The following DBNL variants were observed in gnomAD, a reference collection of about 807,000 sequenced individuals.
The protein encoded by DBNL is drebrin like, also known as drebrin-like protein.
A neutral mutation model predicts 62.2 loss-of-function variants in DBNL; 35 were observed. The observed-to-expected ratio is 0.56, with a 90% CI of 0.43 to 0.75. The LOEUF is 0.75. Ranked by LOEUF, DBNL falls within the 30% of genes least tolerant of loss-of-function variation. The pLI is 0.00. For synonymous variants in DBNL, 197 were observed against 218.0 expected, an observed-to-expected ratio of 0.90 and a Z score of 0.85; for missense variants, 495 against 578.4, an observed-to-expected ratio of 0.86 and a Z score of 1.48.
At chr7:44,052,478 C>T (rs370516845) in intron 3 of DBNL, among the ~76,000 whole-genome samples, 37 of 152,062 alleles carry the variant, frequency 2.4e-4, no homozygotes, top group East Asian at 9.7e-4. Flanking sequence ...GGCATGGCAG[C>T]GTGCACCTGT....
intron 5 of DBNL, among the ~76,000 whole-genome samples, chr7:44,057,151 G>A (rs2096137885): frequency 6.6e-6 from 1 of 152,252 alleles, no homozygotes; most frequent in Admixed American, 6.5e-5. Context: ...TGGTCAGAGT[G>A]GAGGCTCTGC....
intron 2 of DBNL, chr7:44,051,587 A>G (rs1371956190): frequency 2.3e-5 from 8 of 351,064 alleles, no homozygotes; most frequent in Non-Finnish European, 2.6e-5. Context: ...AGTGTGGGTA[A>G]AAAAAATTAC....
At position 44,062,836 on chromosome 7, in the gene DBNL, C is replaced by A; in HGVS notation, c.*1920C>A. On this transcript the variant is annotated 3_prime_UTR_variant, in exon 13 of 13. Transcript: ENST00000448521. ...CCGTTTCCTCATCACCCAGGAACTG[C>A]ATGGGCTTGGTGGGCTTCAGCTCCT... 6.2e-7 allele frequency: 1 copy of A among 1,614,222 alleles called. No homozygotes were observed. The highest frequency in any genetic ancestry group is 8.5e-7 in the Non-Finnish European group (1 of 1,180,036).
At chr7:44,051,701 G>T in intron 2 of DBNL, 129 bp from the exon 3 acceptor site, 1 of 755,716 alleles carries the variant, frequency 1.3e-6, no homozygotes. Flanking sequence ...CATACCCCTA[G>T]AAAGATTCTG....
intron 1 of DBNL, among the ~76,000 whole-genome samples, chr7:44,045,743 G>T (rs974307201): frequency 6.6e-6 from 1 of 152,206 alleles, no homozygotes; most frequent in African/African-American, 2.4e-5. Context: ...GCTCTCCGTA[G>T]TGCCCAGCAC....
chr7:44,064,899 CT>C lies in DBNL; in HGVS notation c.*3985del. 1 of 1,611,746 alleles carries C rather than the reference CT, an allele frequency of 6.2e-7. No homozygotes were observed. ...CTGCAATGAGCACTCGCTTGCCGGCCTTGATCTGGGGAACAATCTCCTCGTT... is the reference window on the plus strand; with the variant it reads ...CTGCAATGAGCACTCGCTTGCCGGCCTGATCTGGGGAACAATCTCCTCGTT... On this transcript the variant is annotated 3_prime_UTR_variant, in exon 13 of 13. Transcript: ENST00000448521.
chr7:44,058,355 G>A (rs1233502682), intron 7 of DBNL, 75 bp downstream of exon 7: 7 of 1,608,434 alleles, frequency 4.4e-6, no homozygotes, highest in Non-Finnish European at 3.4e-6. Context: ...TCCCATGGAG[G>A]CGAGGAGGAC....
In DBNL at chr7:44,051,837, C is replaced by T. The variant is rs765047806; in HGVS notation, c.147C>T (p.Gly49=). 15 of 1,613,904 alleles carry T rather than the reference C, an allele frequency of 9.3e-6. No homozygotes were observed. The highest frequency in any genetic ancestry group is 1.3e-5 in the Non-Finnish European group (15 of 1,179,958). Residue 49 remains glycine (G), a synonymous_variant, in exon 3 of 13, where the codon GGC becomes GGT. Coordinates refer to ENST00000448521, the MANE Select transcript of DBNL (RefSeq NM_001014436.3). ...DIRVAGTGEG[G]LEEMVEELNS... Reference sequence around the variant, plus strand: ...ACTGTGACTCTGCTGCAGAGGGTGGCCTGGAGGAGATGGTGGAGGAGCTCA... The same window carrying T: ...ACTGTGACTCTGCTGCAGAGGGTGGTCTGGAGGAGATGGTGGAGGAGCTCA...
chr7:44,053,035 G>C (rs949001608), intron 4 of DBNL, 94 bp downstream of exon 4: 4 of 1,465,152 alleles, frequency 2.7e-6, no homozygotes, highest in Non-Finnish European at 3.7e-6. Flanking sequence ...AATCAGAACT[G>C]GAGTTGGGAG....
intron 1 of DBNL, 178 bp from the exon 2 acceptor site, chr7:44,050,047 G>T (rs1328545986): frequency 3.4e-6 from 2 of 590,836 alleles, no homozygotes; most frequent in Admixed American, 2.7e-5. Flanking sequence ...AGGCTGCACA[G>T]TTGCCTACTG....
At chr7:44,049,542 A>G (rs2096122922) in intron 1 of DBNL, among the ~76,000 whole-genome samples, 1 of 152,254 alleles carries the variant, frequency 6.6e-6, no homozygotes, top group African/African-American at 2.4e-5. Context: ...AGGCTCTGCT[A>G]GATAGAAAAC....
At position 44,059,537 on chromosome 7, in the gene DBNL, G is replaced by C; in HGVS notation, c.932-6G>C. 1 of 1,613,556 alleles carries C rather than the reference G, an allele frequency of 6.2e-7. No individual in the cohort carries two copies. Among genetic ancestry groups the C allele is most frequent in the African/African-American group, 1.3e-5 (1 of 75,018 alleles). On this transcript the variant is annotated splice_region_variant and splice_polypyrimidine_tract_variant and intron_variant, in intron 10 of 12. Coordinates refer to ENST00000448521, the MANE Select transcript of DBNL (RefSeq NM_001014436.3). The surrounding 1 kb of genome is among the most constrained non-coding windows in gnomAD (Gnocchi z 4.1). ...GAGTGAGAACCTGCTGTGTTCCCTG[G>C]TGCAGATCTCCCTGCTGAGGAGCCG...
At chr7:44,053,966 A>G (rs189456631) in intron 4 of DBNL, among the ~76,000 whole-genome samples, 89 of 152,206 alleles carry the variant, frequency 5.8e-4, no homozygotes, top group Middle Eastern at 3.4e-3. Flanking sequence ...GTGAACCACC[A>G]CGCCCAGCCC....
rs957988919 is a variant in DBNL at position 44,060,538 on chromosome 7, C to G, written c.1154-239C>G. 6.6e-6 allele frequency among the ~76,000 whole-genome samples: 1 copy of G among 152,150 alleles called. No individual in the cohort carries two copies. The highest frequency in any genetic ancestry group is 2.4e-5 in the African/African-American group (1 of 41,424). On this transcript the variant is annotated intron_variant, in intron 12 of 12. Coordinates refer to ENST00000448521, the MANE Select transcript of DBNL (RefSeq NM_001014436.3). This position sits in a 1 kb window ranked among gnomAD's most constrained non-coding sequence, Gnocchi z 6.3. The stretch of plus-strand genomic sequence containing the variant: ...CCTACGGAGCAGGCTGGTGTCTACT[C>G]TAGCCTTTTTTGGGAATGCTCTGTA...
chr7:44,056,724 A>G, intron 4 of DBNL, 33 bp from the exon 5 acceptor site: 2 of 1,613,220 alleles, frequency 1.2e-6, no homozygotes, highest in Non-Finnish European at 1.7e-6. Context: ...TGGGCTTGCA[A>G]AGCCCTTCTT....
intron 6 of DBNL, 93 bp from the exon 7 acceptor site, chr7:44,058,036 C>T (rs529844802): frequency 2.4e-5 from 36 of 1,522,100 alleles, no homozygotes; most frequent in South Asian, 1.1e-4. Flanking sequence ...CTCTGGTGCC[C>T]GTCTTTGGCC....
chr7:44,058,303 C>T, intron 7 of DBNL, 23 bp downstream of exon 7: 1 of 1,577,250 alleles, frequency 6.3e-7, no homozygotes, highest in Non-Finnish European at 8.6e-7. Flanking sequence ...TGGAGGCTGG[C>T]CTGGGGGACC....
chr7:44,065,806 A>T lies in DBNL; in HGVS notation c.*4890A>T. On this transcript the variant is annotated 3_prime_UTR_variant, in exon 13 of 13. Transcript: ENST00000448521. ...TAACCAGCTGGCACCCAGAGCCCAG[A>T]CTGAGTGGGGCTGCTGGTCAGGGAT... 1 of 544,458 alleles carries T rather than the reference A, an allele frequency of 1.8e-6. No individual in the cohort carries two copies. Among genetic ancestry groups the T allele is most frequent in the Non-Finnish European group, 3.3e-6 (1 of 300,942 alleles). 33.7% of individuals were successfully genotyped at this position (544,458 alleles called of 1,614,324 possible).
chr7:44,062,412 T>G lies in DBNL; in HGVS notation c.*1496T>G. ...GTCCAGGAAGCCGTGTCCTGGGCTG[T>G]GGTCCTTGCTCCCCATGGGGAGAGC... is the stretch of plus-strand genomic sequence containing the variant. On this transcript the variant is annotated 3_prime_UTR_variant, in exon 13 of 13. Coordinates refer to ENST00000448521, the MANE Select transcript of DBNL (RefSeq NM_001014436.3). The G allele has an allele frequency of 2.9e-6, 1 of 350,004 alleles. No homozygotes were observed. Among genetic ancestry groups the G allele is most frequent in the Non-Finnish European group, 5.6e-6 (1 of 179,836 alleles). The allele number at this position is 350,004 out of a possible 1,614,324, so 21.7% of individuals were successfully genotyped here. A position where few individuals can be genotyped will look rare whatever the true frequency, so the allele number is the denominator to read the frequency against.
Sources: allele counts gnomAD v4.1 joint callset (sites outside exome capture counted in the v4.1 genomes callset), GRCh38; gene constraint gnomAD v4.1.1; non-coding constraint Gnocchi (gnomAD v3.1); transcripts MANE v1.5; gene names NCBI Gene and HGNC (gene_info 2026-07-23, HGNC 2026-07-21).